ATXN1: variants seen among roughly 807,000 people sequenced by gnomAD.
ATXN1 encodes the protein ataxin-1.
ATXN1 carries 8 observed loss-of-function variants against 56.4 expected under a neutral mutation model. The ratio of observed to expected loss-of-function variants is 0.14; its 90% CI spans 0.08 to 0.26. The LOEUF (loss-of-function observed/expected upper bound fraction) is 0.26. Among genes scored for constraint, ATXN1 ranks in the 10% least tolerant of loss-of-function variants. ATXN1 has a pLI of 1.00. For synonymous variants in ATXN1, 514 were observed against 494.6 expected (o/e 1.04, Z -0.52); for missense variants, 987 against 1,106.5 (o/e 0.89, Z 1.53).
Position 16,387,164 on chromosome 6 carries a change from C to A in ATXN1, c.-160-58694G>T, listed in dbSNP as rs190426916. Among the ~76,000 whole-genome samples the A allele has an allele frequency of 2.6e-5, 4 of 152,250 alleles. No homozygotes were observed. In the East Asian group the frequency reaches 7.7e-4, roughly 29 times the overall value. On this transcript the variant is annotated intron_variant, in intron 6 of 7. Transcript: ENST00000436367. ...TGAATGACAGATTGACTAGGAAGAG[C>A]GGGAGATCAATGACTCAATGGTGGT... is the stretch of plus-strand genomic sequence containing the variant.
intron 6 of ATXN1, among the ~76,000 whole-genome samples, chr6:16,349,324 G>A (rs978914058): frequency 1.3e-5 from 2 of 151,910 alleles, no homozygotes; most frequent in Admixed American, 6.6e-5. Flanking sequence ...CCAACATGGT[G>A]ACATCTTGTT....
chr6:16,352,207 G>A lies in ATXN1; in HGVS notation c.-160-23737C>T, dbSNP rs542177479. ...GTGGGATGATGAAAAGCAGCAATAA[G>A]GCAGTGACTGAGTCTCAATCTATAA... On this transcript the variant is annotated intron_variant, in intron 6 of 7. Transcript: ENST00000436367. Among the ~76,000 whole-genome samples the A allele has an allele frequency of 6.6e-4, 100 of 152,292 alleles. 1 individual carries two copies. Among genetic ancestry groups the A allele is most frequent in the Admixed American group, 3.7e-3 (56 of 15,302 alleles).
chr6:16,566,370 T>C (rs1326591347), intron 4 of ATXN1, among the ~76,000 whole-genome samples: 4 of 152,050 alleles, frequency 2.6e-5, no homozygotes, highest in African/African-American at 9.7e-5. Context: ...TAATTAATAA[T>C]TTTTGTTGGC....
chr6:16,624,327 G>A (rs185936073), intron 3 of ATXN1, among the ~76,000 whole-genome samples: 1 of 150,672 alleles, frequency 6.6e-6, no homozygotes, highest in Admixed American at 6.6e-5. Context: ...CTCCAGCCTG[G>A]GGGATGAGAG....
chr6:16,591,286 A>C (rs1762718547), intron 3 of ATXN1, among the ~76,000 whole-genome samples: 1 of 152,100 alleles, frequency 6.6e-6, no homozygotes, highest in Admixed American at 6.6e-5. Context: ...TGAGACTATT[A>C]AACTCCTTTT....
chr6:16,573,767 A>G (rs1003400190), intron 4 of ATXN1, among the ~76,000 whole-genome samples: 1 of 151,928 alleles, frequency 6.6e-6, no homozygotes. Flanking sequence ...TCCCTTCCTC[A>G]TGCTTTTGTC....
At chr6:16,526,765 C>CATAA (rs1761403272) in intron 4 of ATXN1, among the ~76,000 whole-genome samples, 1 of 116,586 alleles carries the variant, frequency 8.6e-6, no homozygotes, top group Admixed American at 8.8e-5. Flanking sequence ...AACTTCATCT[C>CATAA]AAAAAAAAAA....
intron 4 of ATXN1, among the ~76,000 whole-genome samples, chr6:16,567,594 C>A (rs1762252680): frequency 1.3e-5 from 2 of 152,210 alleles, no homozygotes; most frequent in African/African-American, 4.8e-5. Flanking sequence ...TACCTCCTAA[C>A]AGAACAGCAT....
At chr6:16,355,898 CCCT>C (rs1761676142) in intron 6 of ATXN1, among the ~76,000 whole-genome samples, 1 of 152,156 alleles carries the variant, frequency 6.6e-6, no homozygotes, top group Non-Finnish European at 1.5e-5. Context: ...ACTTGAGCTG[CCCT>C]CTCCTGCTTA....
At chr6:16,719,568 G>T (rs1759705792) in intron 2 of ATXN1, among the ~76,000 whole-genome samples, 1 of 152,184 alleles carries the variant, frequency 6.6e-6, no homozygotes, top group Non-Finnish European at 1.5e-5. Flanking sequence ...GAGGAAACAA[G>T]AATAAGAAGA....
At chr6:16,507,316 GATAA>G (rs1414748536) in intron 5 of ATXN1, among the ~76,000 whole-genome samples, 16 of 152,274 alleles carry the variant, frequency 1.1e-4, no homozygotes, top group African/African-American at 3.8e-4. Flanking sequence ...TAAATAAATG[GATAA>G]ATAGATGGGT....
intron 6 of ATXN1, among the ~76,000 whole-genome samples, chr6:16,336,804 G>A (rs1051544047): frequency 6.6e-6 from 1 of 152,194 alleles, no homozygotes; most frequent in South Asian, 2.1e-4. Flanking sequence ...TGGGACTGCA[G>A]TGGGTCAAGC....
rs1045412192 is a variant in ATXN1 at position 16,302,278 on chromosome 6, G to A, written c.*4051C>T. On this transcript the variant is annotated 3_prime_UTR_variant, in exon 8 of 8. Coordinates refer to ENST00000436367, the MANE Select transcript of ATXN1 (RefSeq NM_001128164.2). ...GCAGAGTCCCTTTAGGGGAGAAGGA[G>A]GGATGCTGCCACTTCCTGGTGGGGG... The A allele has an allele frequency of 5.9e-5, 9 of 152,416 alleles. No individual in the cohort carries two copies. Among genetic ancestry groups the A allele is most frequent in the South Asian group, 2.1e-4 (1 of 4,836 alleles). 9.4% of individuals were successfully genotyped at this position (152,416 alleles called of 1,614,324 possible). A position where few individuals can be genotyped will look rare whatever the true frequency, so the allele number is the denominator to read the frequency against.
intron 4 of ATXN1, among the ~76,000 whole-genome samples, chr6:16,572,390 C>A (rs1260135911): frequency 2.0e-5 from 3 of 152,082 alleles, no homozygotes; most frequent in African/African-American, 7.2e-5. Flanking sequence ...TGATTACTGC[C>A]ACCCATAATC....
intron 4 of ATXN1, among the ~76,000 whole-genome samples, chr6:16,563,013 G>T (rs933508280): frequency 1.3e-4 from 19 of 151,910 alleles, no homozygotes; most frequent in African/African-American, 4.1e-4. Context: ...GGAGCCTTGC[G>T]GAGTGGGAGG....
Position 16,602,445 on chromosome 6 carries a change from A to G in ATXN1, c.-488-16538T>C, listed in dbSNP as rs181143832. ...CTTTTAAATTCTAACATCAGTGAGC[A>G]GCCAAAATTCTTTTTTTTTTTTTTT... On this transcript the variant is annotated intron_variant, in intron 3 of 7. Transcript: ENST00000436367. Among the ~76,000 whole-genome samples, 1,127 of 151,540 alleles carry G rather than the reference A, an allele frequency of 7.4e-3. 8 individuals carry two copies. Among genetic ancestry groups the G allele is most frequent in the Non-Finnish European group, 9.3e-3 (630 of 67,892 alleles).
intron 1 of ATXN1, 144 bp downstream of exon 1, chr6:16,761,154 A>G: frequency 2.8e-6 from 1 of 360,552 alleles, no homozygotes; most frequent in Non-Finnish European, 5.4e-6. Context: ...CGTGCAGCCG[A>G]TTGGGGTTTT....
At chr6:16,484,166 C>T (rs939176011) in intron 6 of ATXN1, among the ~76,000 whole-genome samples, 3 of 152,202 alleles carry the variant, frequency 2.0e-5, no homozygotes, top group Admixed American at 1.3e-4. Context: ...GGGATGGTGG[C>T]TCATGCCTGT....
At chr6:16,500,443 G>A (rs538607057) in intron 5 of ATXN1, among the ~76,000 whole-genome samples, 1 of 152,296 alleles carries the variant, frequency 6.6e-6, no homozygotes, top group Non-Finnish European at 1.5e-5. Context: ...CATCTTCAAT[G>A]TGGCACCCAT....
Sources: gnomAD v4.1 joint callset for allele counts (sites outside exome capture counted in the v4.1 genomes callset) on GRCh38, gnomAD v4.1.1 for gene constraint, MANE v1.5 for transcripts, NCBI Gene and HGNC (gene_info 2026-07-23, HGNC 2026-07-21) for gene names.